Variants in CDH6 observed in about 807,000 individuals in gnomAD.
The protein encoded by CDH6 is cadherin-6.
A neutral mutation model predicts 78.0 loss-of-function variants in CDH6; 31 were observed. That is an observed-to-expected ratio of 0.40 (90% CI 0.30 to 0.54). CDH6 has a LOEUF of 0.54. Ranked by LOEUF, CDH6 falls within the 20% of genes least tolerant of loss-of-function variation. The pLI is 0.56. For missense variants in CDH6, 724 were observed against 975.9 expected, an observed-to-expected ratio of 0.74 and a Z score of 3.44; for synonymous variants, 376 against 368.8, an observed-to-expected ratio of 1.02 and a Z score of -0.23.
rs1367392967 is a variant in CDH6 at position 31,329,114 on chromosome 5, A to T, written c.*5806A>T. The T allele has an allele frequency of 5.2e-6, 1 of 193,536 alleles. No individual in the cohort carries two copies. The highest frequency in any genetic ancestry group is 1.1e-5 in the Non-Finnish European group (1 of 93,058). The allele number at this position is 193,536 out of a possible 1,614,324, so 12.0% of individuals were successfully genotyped here. ...TCAATTTTTGTAACAAGTTATTTAT[A>T]TGATATTACTTAATAAACTGGTTTT... On this transcript the variant is annotated 3_prime_UTR_variant, in exon 12 of 12. Coordinates refer to ENST00000265071, the MANE Select transcript of CDH6 (RefSeq NM_004932.4).
intron 1 of CDH6, among the ~76,000 whole-genome samples, chr5:31,199,595 A>G (rs1005017101): frequency 6.8e-6 from 1 of 147,068 alleles, no homozygotes; most frequent in Non-Finnish European, 1.5e-5. Context: ...ATACACACAC[A>G]TATATATATC....
chr5:31,309,414 G>T (rs1465874244), intron 7 of CDH6, among the ~76,000 whole-genome samples: 1 of 152,096 alleles, frequency 6.6e-6, no homozygotes, highest in Non-Finnish European at 1.5e-5. Context: ...AGTTACAAGG[G>T]TTTATTTTTC....
At chr5:31,222,171 T>G (rs559542013) in intron 1 of CDH6, among the ~76,000 whole-genome samples, 1 of 152,340 alleles carries the variant, frequency 6.6e-6, no homozygotes, top group Admixed American at 6.5e-5. Context: ...AATAGGGATA[T>G]TCACTACTTC....
intron 6 of CDH6, among the ~76,000 whole-genome samples, chr5:31,302,918 A>AGAAG: frequency 1.7e-5 from 2 of 120,734 alleles, no homozygotes; most frequent in Non-Finnish European, 1.9e-5. Flanking sequence ...AAAGAAAGAA[A>AGAAG]GAAAGAAAGA....
chr5:31,270,695 T>C (rs956945386), intron 2 of CDH6, among the ~76,000 whole-genome samples: 1 of 152,164 alleles, frequency 6.6e-6, no homozygotes, highest in Non-Finnish European at 1.5e-5. Context: ...TTTTATTTTA[T>C]TTATTTTTTC....
At chr5:31,221,792 A>G (rs1460088831) in intron 1 of CDH6, among the ~76,000 whole-genome samples, 1 of 152,242 alleles carries the variant, frequency 6.6e-6, no homozygotes, top group Non-Finnish European at 1.5e-5. Flanking sequence ...TGTGGTAGAC[A>G]AGCTTGGGTT....
chr5:31,296,738 AG>A (rs1737617898), intron 3 of CDH6, among the ~76,000 whole-genome samples: 1 of 152,128 alleles, frequency 6.6e-6, no homozygotes, highest in African/African-American at 2.4e-5. Context: ...GGCTTTGGAC[AG>A]GATTTGATCT....
intron 1 of CDH6, among the ~76,000 whole-genome samples, chr5:31,200,567 TACACACACAC>T (rs10533381): frequency 4.6e-4 from 67 of 144,474 alleles, no homozygotes; most frequent in African/African-American, 1.3e-3. Flanking sequence ...CACACATACA[TACACACACAC>T]ACACACACAC....
At chr5:31,225,899 C>T (rs4307101) in intron 1 of CDH6, among the ~76,000 whole-genome samples, 136,361 of 152,152 alleles carry the variant, frequency 0.9, 61,255 homozygotes, top group East Asian at 0.99. Flanking sequence ...TTAAATAACT[C>T]TCCTAAAATT....
intron 1 of CDH6, among the ~76,000 whole-genome samples, chr5:31,233,742 C>A (rs73758184): frequency 0.019 from 2,908 of 152,208 alleles, 120 homozygotes; most frequent in East Asian, 0.15. Context: ...TGTCATGATT[C>A]CAGTTTCTTC....
At chr5:31,281,770 G>A (rs927281286) in intron 2 of CDH6, among the ~76,000 whole-genome samples, 3 of 152,184 alleles carry the variant, frequency 2.0e-5, no homozygotes, top group East Asian at 1.9e-4. Flanking sequence ...TAAATACAAC[G>A]AATACAGAAA....
chr5:31,250,806 G>A, intron 1 of CDH6: 1 of 153,142 alleles, frequency 6.5e-6, no homozygotes, highest in Non-Finnish European at 1.5e-5. Context: ...ACCACCAGCT[G>A]CAGAGCCATC....
At chr5:31,194,101 C>A (rs1354307527) in intron 1 of CDH6, among the ~76,000 whole-genome samples, 2 of 152,122 alleles carry the variant, frequency 1.3e-5, no homozygotes, top group Non-Finnish European at 2.9e-5. Context: ...AGGACCGACG[C>A]CGCTTCCCGG....
In CDH6 at chr5:31,317,446, C is replaced by T. The variant is rs1738355848; in HGVS notation, c.1584C>T (p.Ala528=). 1 of 1,613,082 alleles carries T rather than the reference C, an allele frequency of 6.2e-7. No homozygotes were observed. Among genetic ancestry groups the T allele is most frequent in the African/African-American group, 1.3e-5 (1 of 74,822 alleles). The change falls in exon 10 of 12, where the codon GCC becomes GCT. Residue 528 remains alanine (A), a synonymous_variant. Coordinates refer to ENST00000265071, the MANE Select transcript of CDH6 (RefSeq NM_004932.4). ...YSGHQFSFSL[A]PEAASGSNFT... is the part of the protein sequence containing the mutation. The stretch of plus-strand genomic sequence containing the variant: ...GACACCAATTTTCGTTTTCCTTGGC[C>T]CCTGAAGCAGCCAGTGGCTCAAACT...
chr5:31,267,819 T>C, intron 2 of CDH6, 118 bp downstream of exon 2: 1 of 755,220 alleles, frequency 1.3e-6, no homozygotes, highest in Non-Finnish European at 2.1e-6. Context: ...GTTGCTTAAC[T>C]GGTAAGACTT....
chr5:31,255,077 G>T (rs900472115), intron 1 of CDH6, among the ~76,000 whole-genome samples: 1 of 152,184 alleles, frequency 6.6e-6, no homozygotes, highest in Non-Finnish European at 1.5e-5. Flanking sequence ...TATTAAAAAT[G>T]CAACATCCAA....
chr5:31,276,011 T>C (rs1742681197), intron 2 of CDH6, among the ~76,000 whole-genome samples: 1 of 152,262 alleles, frequency 6.6e-6, no homozygotes, highest in Non-Finnish European at 1.5e-5. Flanking sequence ...AATGTGCCAT[T>C]GCAACCTCGA....
chr5:31,286,136 C>T (rs1404513223), intron 2 of CDH6, among the ~76,000 whole-genome samples: 1 of 152,190 alleles, frequency 6.6e-6, no homozygotes, highest in East Asian at 1.9e-4. Flanking sequence ...TTCTTTCATT[C>T]ATTCCTTGCT....
chr5:31,245,602 A>G (rs1329042757), intron 1 of CDH6, among the ~76,000 whole-genome samples: 1 of 152,194 alleles, frequency 6.6e-6, no homozygotes, highest in African/African-American at 2.4e-5. Flanking sequence ...TTTAAGTTGA[A>G]TAGTTGTTTA....
Sources: allele counts gnomAD v4.1 joint callset (sites outside exome capture counted in the v4.1 genomes callset), GRCh38; gene constraint gnomAD v4.1.1; transcripts MANE v1.5; gene names NCBI Gene and HGNC (gene_info 2026-07-23, HGNC 2026-07-21).